SATB2: variants seen among roughly 807,000 people sequenced by gnomAD.
SATB2 encodes DNA-binding protein SATB2.
A neutral mutation model predicts 73.4 loss-of-function variants in SATB2; 1 was observed. The ratio of observed to expected loss-of-function variants is 0.01; its 90% confidence interval spans 0.00 to 0.06. SATB2 has a LOEUF of 0.06. Ranked by LOEUF, SATB2 falls within the 10% of genes least tolerant of loss-of-function variation. The pLI, the probability that SATB2 is intolerant of heterozygous loss-of-function variation, is 1.00. For synonymous variants in SATB2, 397 were observed against 367.0 expected, an observed-to-expected ratio of 1.08 and a Z score of -0.93; for missense variants, 459 against 945.8, an observed-to-expected ratio of 0.49 and a Z score of 6.75.
intron 5 of SATB2, among the ~76,000 whole-genome samples, chr2:199,370,117 T>C (rs2105851630): frequency 6.6e-6 from 1 of 152,254 alleles, no homozygotes; most frequent in Non-Finnish European, 1.5e-5. Flanking sequence ...CTGGAGACAG[T>C]CTTCTGCTTT....
In SATB2 at chr2:199,433,316, G is replaced by A; in HGVS notation, c.346+22C>T. Reference sequence around the variant, plus strand: ...TTATGACACACAAGAGACTTGGGAGGAGAGGGGAGAGGCATTAATACCTTG... The same window carrying A: ...TTATGACACACAAGAGACTTGGGAGAAGAGGGGAGAGGCATTAATACCTTG... On this transcript the variant is annotated intron_variant, in intron 3 of 10. Coordinates refer to ENST00000417098, the MANE Select transcript of SATB2 (RefSeq NM_001172509.2). The A allele has an allele frequency of 1.9e-6, 3 of 1,608,782 alleles. No homozygotes were observed. In the Middle Eastern group the frequency reaches 5.7e-4, roughly 305 times the overall value.
chr2:199,379,677 CTTTTCT>C (rs893396745), intron 5 of SATB2, among the ~76,000 whole-genome samples: 7 of 96,460 alleles, frequency 7.3e-5, no homozygotes, highest in Admixed American at 1.6e-4. Context: ...ATTTTCTTTT[CTTTTCT>C]TTTTTTTTTT....
At position 199,386,716 on chromosome 2, in the gene SATB2, GCACACACACACACACACACACA is replaced by G. The variant is rs61568459; in HGVS notation, c.347-4918_347-4897del. Among the ~76,000 whole-genome samples, 63 of 9,274 alleles carry G rather than the reference GCACACACACACACACACACACA, an allele frequency of 6.8e-3. 2 individuals carry two copies. Among genetic ancestry groups the G allele is most frequent in the Admixed American group, 0.019 (10 of 534 alleles). The allele number at this position is 9,274 out of a possible 152,430, so 6.1% of individuals were successfully genotyped here. ...CGCAAGCGCGCGCGCGCGCGCGCGC[GCACACACACACACACACACACA>G]CACACACACACACACACACACACAC... On this transcript the variant is annotated intron_variant, in intron 3 of 10. Transcript: ENST00000417098.
intron 9 of SATB2, among the ~76,000 whole-genome samples, chr2:199,313,008 C>T (rs1433331320): frequency 6.6e-6 from 1 of 152,076 alleles, no homozygotes; most frequent in African/African-American, 2.4e-5. Context: ...AATGTGGTTG[C>T]CGGCTACGAT....
At chr2:199,420,442 G>A (rs1386245507) in intron 3 of SATB2, among the ~76,000 whole-genome samples, 1 of 152,136 alleles carries the variant, frequency 6.6e-6, no homozygotes, top group East Asian at 1.9e-4. Flanking sequence ...ACTGGTGGGT[G>A]CTTGTTTGGA....
chr2:199,372,336 C>T (rs569236601), intron 5 of SATB2, among the ~76,000 whole-genome samples: 13 of 152,210 alleles, frequency 8.5e-5, no homozygotes, highest in African/African-American at 3.1e-4. Context: ...TACTAGCAGA[C>T]TTGAATTTGC....
intron 5 of SATB2, among the ~76,000 whole-genome samples, chr2:199,379,407 G>A (rs1055149729): frequency 2.0e-5 from 3 of 152,136 alleles, no homozygotes; most frequent in Admixed American, 1.3e-4. Context: ...CAGGCAAAAG[G>A]CCCAATAAAT....
At chr2:199,410,637 C>G (rs1337307619) in intron 3 of SATB2, among the ~76,000 whole-genome samples, 3 of 152,168 alleles carry the variant, frequency 2.0e-5, no homozygotes, top group Non-Finnish European at 4.4e-5. Context: ...CCAGCGCACG[C>G]TACTATAACT....
At chr2:199,456,885 A>G (rs774831635) in intron 1 of SATB2, among the ~76,000 whole-genome samples, 15 of 147,722 alleles carry the variant, frequency 1.0e-4, no homozygotes, top group Non-Finnish European at 1.3e-4. Context: ...CAATTTTAAC[A>G]TCGCTCCAGA....
chr2:199,429,090 A>C (rs2105923312), intron 3 of SATB2, among the ~76,000 whole-genome samples: 1 of 152,230 alleles, frequency 6.6e-6, no homozygotes, highest in South Asian at 2.1e-4. Context: ...GGGCTCATTA[A>C]CGATTTATTG....
intron 6 of SATB2, among the ~76,000 whole-genome samples, chr2:199,363,125 C>T (rs76341510): frequency 0.018 from 2,800 of 152,264 alleles, 99 homozygotes; most frequent in African/African-American, 0.064. Flanking sequence ...CATGTCTAAG[C>T]TGAGTGCTCA....
intron 10 of SATB2, among the ~76,000 whole-genome samples, chr2:199,293,526 A>G (rs548176574): frequency 6.6e-6 from 1 of 152,280 alleles, no homozygotes; most frequent in South Asian, 2.1e-4. Context: ...TATTTTTTAA[A>G]TAAACAAAGA....
rs1370687249 is a variant in SATB2 at position 199,464,730 on chromosome 2, G to C, written c.-141+106C>G. The C allele has an allele frequency of 6.6e-6, 1 of 152,250 alleles. No individual in the cohort carries two copies. Among genetic ancestry groups the C allele is most frequent in the African/African-American group, 2.4e-5 (1 of 41,456 alleles). The allele number at this position is 152,250 out of a possible 1,614,324, so 9.4% of individuals were successfully genotyped here. On this transcript the variant is annotated intron_variant, in intron 1 of 11. Transcript: ENST00000260926. The surrounding 1 kb of genome is among the most constrained non-coding windows in gnomAD (Gnocchi z 6.6). ...CTACTCGCCTACTCCCTTATTATTGGCTGGGACCTGTTCCTTTCCAAAGTG... is the reference window on the plus strand; with the variant it reads ...CTACTCGCCTACTCCCTTATTATTGCCTGGGACCTGTTCCTTTCCAAAGTG...
chr2:199,326,550 G>T (rs1688033944), intron 8 of SATB2, among the ~76,000 whole-genome samples: 1 of 152,034 alleles, frequency 6.6e-6, no homozygotes, highest in African/African-American at 2.4e-5. Flanking sequence ...CAAAAGAGCT[G>T]AAAACAAATA....
At chr2:199,418,244 G>A (rs1384165343) in intron 3 of SATB2, among the ~76,000 whole-genome samples, 3 of 152,154 alleles carry the variant, frequency 2.0e-5, no homozygotes, top group Non-Finnish European at 4.4e-5. Flanking sequence ...CTGGGAAGTG[G>A]GGAGCACCAA....
At chr2:199,429,979 G>T (rs1352575319) in intron 3 of SATB2, among the ~76,000 whole-genome samples, 2 of 152,152 alleles carry the variant, frequency 1.3e-5, no homozygotes, top group Non-Finnish European at 2.9e-5. Context: ...ACAGAAAGTA[G>T]GGGAGAGATA....
At chr2:199,405,255 A>C (rs1690596173) in intron 3 of SATB2, among the ~76,000 whole-genome samples, 2 of 152,230 alleles carry the variant, frequency 1.3e-5, no homozygotes, top group Non-Finnish European at 2.9e-5. Context: ...GTTCAACAAC[A>C]AAGCACTTCA....
chr2:199,448,785 C>A (rs1284324631), intron 2 of SATB2, among the ~76,000 whole-genome samples: 1 of 152,004 alleles, frequency 6.6e-6, no homozygotes, highest in Non-Finnish European at 1.5e-5. Context: ...GCTTGCAGTG[C>A]CTCCCCTTAA....
chr2:199,464,168 C>T lies in SATB2; in HGVS notation c.-141+668G>A, dbSNP rs1187299928. Among the ~76,000 whole-genome samples the T allele has an allele frequency of 6.6e-6, 1 of 152,150 alleles. No homozygotes were observed. The highest frequency in any genetic ancestry group is 1.5e-5 in the Non-Finnish European group (1 of 68,024). On this transcript the variant is annotated intron_variant, in intron 1 of 11. Coordinates refer to the SATB2 transcript ENST00000260926. The surrounding 1 kb of genome is among the most constrained non-coding windows in gnomAD (Gnocchi z 6.6). ...CCCCTCGGACACCGTTTCAGTCCGT[C>T]AAGACCTTGGCCTCCGGGAAAGGCC...
Sources: allele counts gnomAD v4.1 joint callset (sites outside exome capture counted in the v4.1 genomes callset), GRCh38; gene constraint gnomAD v4.1.1; non-coding constraint Gnocchi (gnomAD v3.1); transcripts MANE v1.5; gene names NCBI Gene and HGNC (gene_info 2026-07-23, HGNC 2026-07-21).